Variants in DHRS4 observed in about 807,000 individuals in gnomAD.
DHRS4 encodes the protein dehydrogenase/reductase SDR family member 4.
In DHRS4, 20 loss-of-function variants were observed where a neutral mutation model predicts 28.4. The observed-to-expected ratio is 0.71, with a 90% confidence interval of 0.50 to 1.02. The LOEUF (loss-of-function observed/expected upper bound fraction) is 1.02, where lower values mean the gene tolerates loss of function less well. Among genes scored for constraint, DHRS4 ranks in the 50% least tolerant of loss-of-function variants. The probability of loss-of-function intolerance (pLI) is 0.00; values close to 1 mark genes in which losing one functional copy is unlikely to be tolerated. For missense variants in DHRS4, 378 were observed against 367.2 expected (o/e 1.03, Z -0.24); for synonymous variants, 144 against 146.4 (o/e 0.98, Z 0.12).
intron 2 of DHRS4, among the ~76,000 whole-genome samples, chr14:23,956,239 C>T (rs1368557455): frequency 2.6e-5 from 4 of 152,184 alleles, no homozygotes; most frequent in African/African-American, 9.7e-5. Context: ...GGGCCTTGAT[C>T]CTGATGGTGG....
Position 23,959,318 on chromosome 14 carries a change from G to T in DHRS4, c.307-584G>T, listed in dbSNP as rs570370543. Among the ~76,000 whole-genome samples, 69 of 152,298 alleles carry T rather than the reference G, an allele frequency of 4.5e-4. 1 individual carries two copies. Among genetic ancestry groups the T allele is most frequent in the African/African-American group, 1.6e-3 (68 of 41,540 alleles). Reference sequence around the variant, plus strand: ...GTGGGTCGCGCCTGTAACACTTTAGGATACTGAGGCAGGTGGATGGCTTGA... The same window carrying T: ...GTGGGTCGCGCCTGTAACACTTTAGTATACTGAGGCAGGTGGATGGCTTGA... On this transcript the variant is annotated intron_variant, in intron 2 of 7. Transcript: ENST00000313250.
At chr14:23,961,529 CTTTT>C (rs546435038) in intron 3 of DHRS4, among the ~76,000 whole-genome samples, 2 of 90,746 alleles carry the variant, frequency 2.2e-5, no homozygotes, top group African/African-American at 6.7e-5. Flanking sequence ...GTCTTTTTTC[CTTTT>C]TTTTTTTTTT....
chr14:23,954,759 A>G (rs1426640365), intron 1 of DHRS4, among the ~76,000 whole-genome samples: 1 of 152,226 alleles, frequency 6.6e-6, no homozygotes, highest in Non-Finnish European at 1.5e-5. Context: ...TCTCAGTCCC[A>G]AGAGGGGATG....
At chr14:23,967,060 C>A in intron 6 of DHRS4, 151 bp from the exon 7 acceptor site, 1 of 803,926 alleles carries the variant, frequency 1.2e-6, no homozygotes, top group Admixed American at 3.0e-5. Flanking sequence ...GAGGCTGAGG[C>A]AGGAGAATGG....
At chr14:23,968,675 C>G (rs2033730890) in intron 7 of DHRS4, 82 bp from the exon 8 acceptor site, 1 of 1,560,882 alleles carries the variant, frequency 6.4e-7, no homozygotes, top group Admixed American at 1.9e-5. Flanking sequence ...CTTGATTAAG[C>G]AAATTTAACT....
In DHRS4 at chr14:23,964,115, G is replaced by A. The variant is rs1594430916; in HGVS notation, c.409-1647G>A. Among the ~76,000 whole-genome samples, 4 of 146,332 alleles carry A rather than the reference G, an allele frequency of 2.7e-5. No individual in the cohort carries two copies. The East Asian group carries it at 8.0e-4, about 29-fold the overall frequency. On this transcript the variant is annotated intron_variant, in intron 3 of 7. Transcript: ENST00000313250. ...AGATACAATAATAATGGAAAGGTCT[G>A]AAATATTCCAAGAATTACCAAAATG... is the stretch of plus-strand genomic sequence containing the variant.
intron 1 of DHRS4, among the ~76,000 whole-genome samples, chr14:23,954,580 A>C (rs1469603548): frequency 6.6e-6 from 1 of 152,266 alleles, no homozygotes; most frequent in Non-Finnish European, 1.5e-5. Context: ...CAATATTTAC[A>C]TTTTTGACCG....
Position 23,966,395 on chromosome 14 carries a change from T to C in DHRS4, c.644T>C (p.Ile215Thr), listed in dbSNP as rs1257343207. The change falls in exon 6 of 8, where the codon ATC becomes ACC. Residue 215 changes from isoleucine to threonine, a missense_variant. Coordinates refer to ENST00000313250, the MANE Select transcript of DHRS4 (RefSeq NM_021004.4). ...IRVNCLAPGLIKTSFSRMLWM... is the reference protein window; with the variant it reads ...IRVNCLAPGLTKTSFSRMLWM... ...GTGAACTGCCTAGCACCTGGACTTA[T>C]CAAGACTAGCTTCAGCAGGATGGTG... is the stretch of plus-strand genomic sequence containing the variant. The C allele has an allele frequency of 1.1e-5, 18 of 1,613,936 alleles. No individual in the cohort carries two copies. The highest frequency in any genetic ancestry group is 1.4e-5 in the Non-Finnish European group (17 of 1,179,988).
At chr14:23,956,700 T>C (rs2033182334) in intron 2 of DHRS4, among the ~76,000 whole-genome samples, 1 of 149,760 alleles carries the variant, frequency 6.7e-6, no homozygotes. Context: ...CGCCTCCAGG[T>C]TCAAGCAATT....
chr14:23,954,957 G>C (rs1341604004), intron 1 of DHRS4, 78 bp from the exon 2 acceptor site: 6 of 1,587,902 alleles, frequency 3.8e-6, no homozygotes, highest in South Asian at 2.3e-5. Flanking sequence ...AACCCGGGCA[G>C]TCTTAACTTC....
Position 23,955,017 on chromosome 14 carries a change from G to T in DHRS4, c.129-18G>T. The T allele has an allele frequency of 6.2e-7, 1 of 1,614,094 alleles. No homozygotes were observed. Among genetic ancestry groups the T allele is most frequent in the Non-Finnish European group, 8.5e-7 (1 of 1,179,970 alleles). Reference sequence around the variant, plus strand: ...CCCTGCACAGGCCTTAGCAGTCTTTGTCTCTTTCTGCTCACAGGATCGGCT... The same window carrying T: ...CCCTGCACAGGCCTTAGCAGTCTTTTTCTCTTTCTGCTCACAGGATCGGCT... On this transcript the variant is annotated intron_variant, in intron 1 of 7. Coordinates refer to ENST00000313250, the MANE Select transcript of DHRS4 (RefSeq NM_021004.4).
At chr14:23,958,622 G>C (rs1275691045) in intron 2 of DHRS4, among the ~76,000 whole-genome samples, 1 of 152,202 alleles carries the variant, frequency 6.6e-6, no homozygotes, top group Non-Finnish European at 1.5e-5. Flanking sequence ...GAGAGAGACA[G>C]AGACAGGGAA....
intron 6 of DHRS4, among the ~76,000 whole-genome samples, chr14:23,966,932 G>A (rs1204394476): frequency 5.9e-5 from 9 of 152,234 alleles, no homozygotes; most frequent in African/African-American, 1.9e-4. Flanking sequence ...GAGGCGGGCA[G>A]ATCACGAGGT....
intron 7 of DHRS4, chr14:23,968,265 T>A (rs1025081366): frequency 5.5e-6 from 1 of 180,924 alleles, no homozygotes; most frequent in Middle Eastern, 2.3e-3. Flanking sequence ...ATGCAGTCAC[T>A]GATAAAATAA....
In DHRS4 at chr14:23,955,149, G is replaced by A; in HGVS notation, c.243G>A (p.Leu81=). 1.9e-6 allele frequency: 3 copies of A among 1,613,960 alleles called. No individual in the cohort carries two copies. The highest frequency in any genetic ancestry group is 2.5e-6 in the Non-Finnish European group (3 of 1,179,892). ...TGGCCACGCTGCAGGGGGAGGGGCT[G>A]AGCGTGACGGGCACCGTGTGCCATG... ...QAVATLQGEG[L]SVTGTVCHVG... The change falls in exon 2 of 8, where the codon CTG becomes CTA. Residue 81 remains leucine (L), a synonymous_variant. Transcript: ENST00000313250.
At position 23,955,097 on chromosome 14, in the gene DHRS4, G is replaced by A. The variant is rs79086208; in HGVS notation, c.191G>A (p.Arg64Gln). Residue 64 changes from arginine to glutamine, a missense_variant, in exon 2 of 8, where the codon CGG (arginine) becomes CAG (glutamine). Physicochemically the swap from Arg to Gln is conservative, Grantham distance 43. Coordinates refer to ENST00000313250, the MANE Select transcript of DHRS4 (RefSeq NM_021004.4). ...QDGAHVVVSS[R>Q]KQQNVDQAVA... ...GGGGCCCATGTGGTCGTCAGCAGCCGGAAGCAGCAGAATGTGGACCAGGCG... is the reference window on the plus strand; with the variant it reads ...GGGGCCCATGTGGTCGTCAGCAGCCAGAAGCAGCAGAATGTGGACCAGGCG... 694 of 1,614,190 alleles carry A rather than the reference G, an allele frequency of 4.3e-4. 1 individual carries two copies. In the African/African-American group the frequency reaches 4.5e-3, roughly 10 times the overall value.
intron 7 of DHRS4, among the ~76,000 whole-genome samples, chr14:23,968,435 T>A (rs1181090383): frequency 1.3e-5 from 2 of 150,646 alleles, no homozygotes; most frequent in Non-Finnish European, 2.9e-5. Context: ...TGTGAAACCA[T>A]TTTTTTGAAG....
At chr14:23,960,381 A>G (rs2033368598) in intron 3 of DHRS4, among the ~76,000 whole-genome samples, 1 of 152,114 alleles carries the variant, frequency 6.6e-6, no homozygotes, top group Non-Finnish European at 1.5e-5. Flanking sequence ...TTCAGCTGAC[A>G]AAAAGTAATT....
chr14:23,967,160 G>T lies in DHRS4; in HGVS notation c.667-51G>T, dbSNP rs61119144. The T allele has an allele frequency of 1.9e-5, 29 of 1,555,464 alleles. 1 individual carries two copies. The Admixed American group carries it at 4.1e-4, about 22-fold the overall frequency. ...AAGAGCAAGACTCCGTCTCTAAAAAGAAAAAGAAAAAGAAAAAAAAAACAT... is the reference window on the plus strand; with the variant it reads ...AAGAGCAAGACTCCGTCTCTAAAAATAAAAAGAAAAAGAAAAAAAAAACAT... On this transcript the variant is annotated intron_variant, in intron 6 of 7. Transcript: ENST00000313250.
Sources: allele counts gnomAD v4.1 joint callset (sites outside exome capture counted in the v4.1 genomes callset), GRCh38; gene constraint gnomAD v4.1.1; transcripts MANE v1.5; gene names NCBI Gene and HGNC (gene_info 2026-07-23, HGNC 2026-07-21).